The following NELFA variants were observed in gnomAD, a reference collection of about 807,000 sequenced individuals.
NELFA encodes the protein negative elongation factor A.
Under a neutral mutation model 51.8 loss-of-function variants are expected in NELFA, and 35 were observed. The observed-to-expected ratio is 0.68, with a 90% CI of 0.52 to 0.90. The LOEUF (loss-of-function observed/expected upper bound fraction) is 0.90, where lower values mean the gene tolerates loss of function less well. NELFA is among the 40% of genes least tolerant of loss of function. The probability of loss-of-function intolerance (pLI) is 0.00; values close to 1 mark genes in which losing one functional copy is unlikely to be tolerated. For synonymous variants in NELFA, 417 were observed against 338.4 expected, an observed-to-expected ratio of 1.23 and a Z score of -2.55; for missense variants, 658 against 746.4, an observed-to-expected ratio of 0.88 and a Z score of 1.38.
At position 1,989,636 on chromosome 4, in the gene NELFA, T is replaced by C. The variant is rs1244405912; in HGVS notation, c.544+72A>G. On this transcript the variant is annotated intron_variant, in intron 3 of 10. Transcript: ENST00000382882. The surrounding 1 kb of genome is among the most constrained non-coding windows in gnomAD (Gnocchi z 4.8). ...CGCCACCTTGAAGGGGCAGTCTTGG[T>C]ACCTTAGAACCTAAGAAACCTATGA... The C allele has an allele frequency of 1.3e-6, 2 of 1,511,344 alleles. No individual in the cohort carries two copies. Among genetic ancestry groups the C allele is most frequent in the Non-Finnish European group, 1.8e-6 (2 of 1,119,390 alleles). The allele number at this position is 1,511,344 out of a possible 1,614,324, so 93.6% of individuals were successfully genotyped here. A position where few individuals can be genotyped will look rare whatever the true frequency, so the allele number is the denominator to read the frequency against.
At chr4:1,998,113 A>G (rs909968131) in intron 1 of NELFA, among the ~76,000 whole-genome samples, 1 of 152,142 alleles carries the variant, frequency 6.6e-6, no homozygotes, top group Non-Finnish European at 1.5e-5. Flanking sequence ...CAACAACAAC[A>G]ACCACAACAA....
At chr4:1,985,241 A>AAACACAG (rs1220763249) in intron 7 of NELFA, among the ~76,000 whole-genome samples, 1 of 152,214 alleles carries the variant, frequency 6.6e-6, no homozygotes, top group Non-Finnish European at 1.5e-5. Context: ...TCATGTTAAG[A>AAACACAG]AACACAGAAC....
Position 1,988,014 on chromosome 4 carries a change from G to C in NELFA, c.545-7C>G. Reference sequence around the variant, plus strand: ...TGCTGGGCGGTCTCCGTGGCTGGAAGGAAGAGGTCACATATGTCAGGGATC... The same window carrying C: ...TGCTGGGCGGTCTCCGTGGCTGGAACGAAGAGGTCACATATGTCAGGGATC... On this transcript the variant is annotated splice_polypyrimidine_tract_variant and splice_region_variant and intron_variant, in intron 3 of 10. Coordinates refer to ENST00000382882, the MANE Select transcript of NELFA (RefSeq NM_005663.5). 1 of 1,608,294 alleles carries C rather than the reference G, an allele frequency of 6.2e-7. No individual in the cohort carries two copies. Among genetic ancestry groups the C allele is most frequent in the Non-Finnish European group, 8.5e-7 (1 of 1,179,240 alleles).
chr4:2,000,382 TAGAC>T (rs774607583), intron 1 of NELFA, among the ~76,000 whole-genome samples: 88 of 151,498 alleles, frequency 5.8e-4, no homozygotes, highest in Non-Finnish European at 1.0e-3. Context: ...ATTAACAAAA[TAGAC>T]AGAATGCTAG....
At chr4:1,992,840 T>G (rs1482481269) in intron 1 of NELFA, among the ~76,000 whole-genome samples, 1 of 152,148 alleles carries the variant, frequency 6.6e-6, no homozygotes, top group Non-Finnish European at 1.5e-5. Context: ...CAAGCCCCTC[T>G]GCATCTGCCC....
intron 1 of NELFA, among the ~76,000 whole-genome samples, chr4:1,993,029 G>A (rs867266384): frequency 3.9e-5 from 6 of 152,362 alleles, no homozygotes; most frequent in African/African-American, 7.2e-5. Context: ...CGTGGCTGCA[G>A]GAAGCGCTGC....
chr4:1,985,852 A>ACCAC lies in NELFA; in HGVS notation c.844_847dup (p.Val283GlyfsTer35), dbSNP rs1560859113. ...CGTTTCCTCCTTGGCCGGCTTCTCCACCACCTCCGCATCTGTGGACAAAAC... is the reference window on the plus strand; with the variant it reads ...CGTTTCCTCCTTGGCCGGCTTCTCCACCACCCACCTCCGCATCTGTGGACAAAAC... On this transcript the variant is annotated frameshift_variant, in exon 7 of 11. Coordinates refer to ENST00000382882, the MANE Select transcript of NELFA (RefSeq NM_005663.5). LOFTEE classifies it high-confidence loss of function. 6.2e-7 allele frequency: 1 copy of ACCAC among 1,612,854 alleles called. No homozygotes were observed. Among genetic ancestry groups the ACCAC allele is most frequent in the Admixed American group, 1.7e-5 (1 of 59,936 alleles).
At chr4:2,000,025 G>A (rs561358067) in intron 1 of NELFA, among the ~76,000 whole-genome samples, 17 of 152,046 alleles carry the variant, frequency 1.1e-4, no homozygotes, top group African/African-American at 3.9e-4. Context: ...AATGACTCCT[G>A]GACAAATAAT....
chr4:1,984,776 G>C, intron 8 of NELFA, 32 bp downstream of exon 8: 2 of 1,497,200 alleles, frequency 1.3e-6, no homozygotes, highest in African/African-American at 2.8e-5. Flanking sequence ...CAGGCAGCTT[G>C]GCTGGTTCCA....
intron 1 of NELFA, among the ~76,000 whole-genome samples, chr4:1,992,904 C>T (rs1422935011): frequency 6.6e-6 from 1 of 152,238 alleles, no homozygotes; most frequent in East Asian, 1.9e-4. Context: ...TGGCCCAGCC[C>T]CTTCTGTTCC....
chr4:2,006,524 T>G (rs972296798), intron 1 of NELFA, among the ~76,000 whole-genome samples: 1 of 151,924 alleles, frequency 6.6e-6, no homozygotes, highest in Non-Finnish European at 1.5e-5. Flanking sequence ...ATCCCAACAC[T>G]ATGGGAGGCC....
chr4:1,987,857 A>G, intron 4 of NELFA, 61 bp downstream of exon 4: 1 of 1,394,832 alleles, frequency 7.2e-7, no homozygotes. Flanking sequence ...GCGGGTCTCC[A>G]GGTGAAGCCC....
intron 6 of NELFA, 28 bp downstream of exon 6, chr4:1,986,086 C>T (rs751035859): frequency 5.2e-6 from 8 of 1,548,124 alleles, no homozygotes; most frequent in Non-Finnish European, 7.0e-6. Flanking sequence ...ACCCCCATTG[C>T]CGCCGACACG....
At chr4:1,986,226 G>A in intron 5 of NELFA, 43 bp from the exon 6 acceptor site, 1 of 1,562,580 alleles carries the variant, frequency 6.4e-7, no homozygotes, top group Non-Finnish European at 8.7e-7. Context: ...CGGCACCAGG[G>A]CGCAACGGGC....
chr4:2,005,416 G>A (rs997464087), intron 1 of NELFA, among the ~76,000 whole-genome samples: 2 of 152,118 alleles, frequency 1.3e-5, no homozygotes, highest in African/African-American at 4.8e-5. Flanking sequence ...CAAAACTTTA[G>A]CACAGATACT....
At chr4:2,005,622 G>C (rs944044069) in intron 1 of NELFA, among the ~76,000 whole-genome samples, 3 of 152,140 alleles carry the variant, frequency 2.0e-5, no homozygotes, top group Admixed American at 1.3e-4. Context: ...AGCTCAGGAG[G>C]AGGAGGTTGC....
chr4:1,990,120 G>A lies in NELFA; in HGVS notation c.383-251C>T, dbSNP rs1003113260. 1.9e-5 allele frequency: 10 copies of A among 535,842 alleles called. No homozygotes were observed. The East Asian group carries it at 1.9e-4, about 10-fold the overall frequency. The allele number at this position is 535,842 out of a possible 1,614,324, so 33.2% of individuals were successfully genotyped here. A position where few individuals can be genotyped will look rare whatever the true frequency, so the allele number is the denominator to read the frequency against. ...CTGTAAACTGGAAACCTCTGGCACCGCGGACACCAAGAACCACAGGCGGAC... is the reference window on the plus strand; with the variant it reads ...CTGTAAACTGGAAACCTCTGGCACCACGGACACCAAGAACCACAGGCGGAC... On this transcript the variant is annotated intron_variant, in intron 2 of 10. Coordinates refer to ENST00000382882, the MANE Select transcript of NELFA (RefSeq NM_005663.5).
Position 2,004,818 on chromosome 4 carries a change from T to G in NELFA, c.210+3932A>C, listed in dbSNP as rs185602125. 5.0e-3 allele frequency among the ~76,000 whole-genome samples: 729 copies of G among 146,896 alleles called. 15 individuals are homozygous for G. The highest frequency in any genetic ancestry group is 0.045 in the Admixed American group (658 of 14,554). On this transcript the variant is annotated intron_variant, in intron 1 of 10. Coordinates refer to ENST00000382882, the MANE Select transcript of NELFA (RefSeq NM_005663.5). ...TTATATTTTAATAAAGCTTTTTTTTTTTTTTTGGAGACAGAGTCTTGCTGT... is the reference window on the plus strand; with the variant it reads ...TTATATTTTAATAAAGCTTTTTTTTGTTTTTTGGAGACAGAGTCTTGCTGT...
At chr4:2,000,353 G>A (rs1195902232) in intron 1 of NELFA, among the ~76,000 whole-genome samples, 2 of 151,884 alleles carry the variant, frequency 1.3e-5, no homozygotes, top group Non-Finnish European at 1.5e-5. Flanking sequence ...ACAAATCCAG[G>A]AGCTGGTTTT....
Sources: allele counts gnomAD v4.1 joint callset (sites outside exome capture counted in the v4.1 genomes callset), GRCh38; gene constraint gnomAD v4.1.1; non-coding constraint Gnocchi (gnomAD v3.1); transcripts MANE v1.5; gene names NCBI Gene and HGNC (gene_info 2026-07-23, HGNC 2026-07-21).